The following CHN2 variants were observed in gnomAD, a reference collection of about 807,000 sequenced individuals.
CHN2 encodes beta-chimaerin.
A neutral mutation model predicts 56.3 loss-of-function variants in CHN2; 35 were observed. The observed-to-expected ratio is 0.62, with a 90% confidence interval of 0.47 to 0.82. CHN2 has a LOEUF of 0.82. Among genes scored for constraint, CHN2 ranks in the 40% least tolerant of loss-of-function variants. The pLI is 0.00. For synonymous variants in CHN2, 210 were observed against 212.8 expected (o/e 0.99, Z 0.12); for missense variants, 491 against 580.5 (o/e 0.85, Z 1.58).
intron 2 of CHN2, among the ~76,000 whole-genome samples, chr7:29,362,731 CTCCCTGCCTCTTCCCTTGG>C (rs1331471757): frequency 9.2e-5 from 14 of 152,180 alleles, no homozygotes; most frequent in Non-Finnish European, 2.9e-5. Flanking sequence ...TTCAGGAGAG[CTCCCTGCCTCTTCCCTTGG>C]GAAGTTGTTC....
chr7:29,239,113 A>G (rs143880861), intron 1 of CHN2, among the ~76,000 whole-genome samples: 1 of 152,300 alleles, frequency 6.6e-6, no homozygotes, highest in African/African-American at 2.4e-5. Context: ...GGGCAGAATT[A>G]GGTGCAGCAT....
intron 6 of CHN2, among the ~76,000 whole-genome samples, chr7:29,408,449 G>A (rs956558243): frequency 2.0e-5 from 3 of 152,190 alleles, no homozygotes; most frequent in African/African-American, 7.2e-5. Context: ...ATATTCCTGA[G>A]GCTCTTTTAT....
intron 2 of CHN2, among the ~76,000 whole-genome samples, chr7:29,165,964 T>A (rs1034769070): frequency 6.6e-6 from 1 of 152,184 alleles, no homozygotes; most frequent in Non-Finnish European, 1.5e-5. Context: ...TTTTCTTTTC[T>A]TGTAATATCT....
intron 1 of CHN2, among the ~76,000 whole-genome samples, chr7:29,328,868 C>A (rs13239988): frequency 0.24 from 36,438 of 152,070 alleles, 4,931 homozygotes; most frequent in Non-Finnish European, 0.31. Flanking sequence ...ATTCCACCAT[C>A]TGTTGATGAA....
intron 2 of CHN2, among the ~76,000 whole-genome samples, chr7:29,183,081 CTTTT>C (rs34942216): frequency 2.1e-3 from 281 of 131,860 alleles, no homozygotes; most frequent in Middle Eastern, 8.1e-3. Flanking sequence ...ACATGGCAGA[CTTTT>C]TTTTTTTTTT....
At chr7:29,322,754 C>A (rs921936511) in intron 1 of CHN2, among the ~76,000 whole-genome samples, 1 of 152,130 alleles carries the variant, frequency 6.6e-6, no homozygotes, top group African/African-American at 2.4e-5. Context: ...CAGGGACGGC[C>A]TAGAGTTAGA....
chr7:29,347,186 C>G (rs754971617), intron 1 of CHN2, among the ~76,000 whole-genome samples: 12 of 152,178 alleles, frequency 7.9e-5, no homozygotes, highest in Non-Finnish European at 1.8e-4. Context: ...TTCTTGTACC[C>G]GTTGCTGAGA....
chr7:29,255,703 A>G (rs12113986), intron 1 of CHN2, among the ~76,000 whole-genome samples: 4,087 of 152,288 alleles, frequency 0.027, 189 homozygotes, highest in African/African-American at 0.094. Flanking sequence ...AAACAAACAA[A>G]CAGCCATGAT....
intron 1 of CHN2, among the ~76,000 whole-genome samples, chr7:29,285,243 A>G (rs1584960637): frequency 6.6e-6 from 1 of 152,202 alleles, no homozygotes; most frequent in African/African-American, 2.4e-5. Flanking sequence ...AATTCCCACT[A>G]TTGGTCCAGG....
intron 6 of CHN2, among the ~76,000 whole-genome samples, chr7:29,462,520 A>C (rs1785239328): frequency 6.6e-6 from 1 of 152,090 alleles, no homozygotes; most frequent in South Asian, 2.1e-4. Context: ...TCATTCACAC[A>C]TTTGGCACCT....
At position 29,411,292 on chromosome 7, in the gene CHN2, G is replaced by A. The variant is rs2128097208; in HGVS notation, c.576+10464G>A. 2.0e-5 allele frequency among the ~76,000 whole-genome samples: 3 copies of A among 152,338 alleles called. No individual in the cohort carries two copies. The South Asian group carries it at 6.2e-4, about 32-fold the overall frequency. On this transcript the variant is annotated intron_variant, in intron 6 of 12. Transcript: ENST00000222792. ...ATTGAACAAGGAGGGTTGGAAGGAG[G>A]AAACACAATTTTAGCAGAGCCTATT...
At chr7:29,175,539 G>A (rs980954136) in intron 2 of CHN2, among the ~76,000 whole-genome samples, 20 of 152,108 alleles carry the variant, frequency 1.3e-4, no homozygotes, top group East Asian at 1.2e-3. Context: ...CTTGCCTGCC[G>A]CCATGTAAGA....
At chr7:29,392,898 C>G (rs924906740) in intron 3 of CHN2, among the ~76,000 whole-genome samples, 1 of 152,222 alleles carries the variant, frequency 6.6e-6, no homozygotes, top group African/African-American at 2.4e-5. Context: ...TAATGTGGCT[C>G]TACAATGTTT....
exon 1 of CHN2, chr7:29,146,695 C>A (rs1219284510): frequency 2.6e-6 from 4 of 1,550,528 alleles, no homozygotes; most frequent in African/African-American, 2.7e-5. Flanking sequence ...CAAGCAGCCC[C>A]AGGGTGGAAT....
intron 4 of CHN2, among the ~76,000 whole-genome samples, chr7:29,394,114 G>A (rs1007111317): frequency 2.0e-5 from 3 of 152,046 alleles, no homozygotes; most frequent in African/African-American, 4.8e-5. Flanking sequence ...ACCTCGGTGC[G>A]GTGGTCAGGA....
chr7:29,233,825 A>ATTT lies in CHN2; in HGVS notation c.49+38859_49+38861dup, dbSNP rs1175429614. Among the ~76,000 whole-genome samples, 500 of 53,192 alleles carry ATTT rather than the reference A, an allele frequency of 9.4e-3. 111 individuals are homozygous for ATTT. Among genetic ancestry groups the ATTT allele is most frequent in the African/African-American group, 0.031 (450 of 14,464 alleles). 34.9% of individuals were successfully genotyped at this position (53,192 alleles called of 152,430 possible). A position where few individuals can be genotyped will look rare whatever the true frequency, so the allele number is the denominator to read the frequency against. On this transcript the variant is annotated intron_variant, in intron 1 of 12. Transcript: ENST00000222792. ...AGAATGCAGCCCTGCCAACACCTTG[A>ATTT]TTTTTTTTTTTTTTTTTTTTTTTTT... is the stretch of plus-strand genomic sequence containing the variant.
chr7:29,468,891 G>T (rs187375457), intron 6 of CHN2, among the ~76,000 whole-genome samples: 54 of 152,112 alleles, frequency 3.6e-4, no homozygotes, highest in African/African-American at 1.2e-3. Flanking sequence ...TGGGGTCTCT[G>T]CTCTTCTCTA....
chr7:29,452,620 A>C (rs559491021), intron 6 of CHN2, among the ~76,000 whole-genome samples: 1 of 152,352 alleles, frequency 6.6e-6, no homozygotes, highest in East Asian at 1.9e-4. Flanking sequence ...GATTTTTCTA[A>C]AAGTGTTCTT....
chr7:29,359,676 G>A (rs942033576), intron 2 of CHN2, among the ~76,000 whole-genome samples: 18 of 152,170 alleles, frequency 1.2e-4, no homozygotes, highest in Non-Finnish European at 2.2e-4. Context: ...AAGAAACATT[G>A]ATGACGTCAC....
Sources: gnomAD v4.1 joint callset for allele counts (sites outside exome capture counted in the v4.1 genomes callset) on GRCh38, gnomAD v4.1.1 for gene constraint, MANE v1.5 for transcripts, NCBI Gene and HGNC (gene_info 2026-07-23, HGNC 2026-07-21) for gene names.